GABPA: variants seen among roughly 807,000 people sequenced by gnomAD.
GABPA encodes the protein GA-binding protein alpha chain.
In GABPA, 4 loss-of-function variants were observed where a neutral mutation model predicts 59.4. That is an observed-to-expected ratio of 0.07 (90% confidence interval 0.03 to 0.15). The LOEUF (loss-of-function observed/expected upper bound fraction) is 0.15, where lower values mean the gene tolerates loss of function less well. Ranked by LOEUF, GABPA falls within the 10% of genes least tolerant of loss-of-function variation. GABPA has a pLI of 1.00. For synonymous variants in GABPA, 164 were observed against 183.1 expected (o/e 0.90, Z 0.84); for missense variants, 251 against 543.8 (o/e 0.46, Z 5.36).
rs71649676 is a variant in GABPA at position 25,745,829 on chromosome 21, A to G, written c.222+475A>G. On this transcript the variant is annotated intron_variant, in intron 3 of 9. Transcript: ENST00000400075. Reference sequence around the variant, plus strand: ...AGGTCCTGGAATTTATTGTAAAAGGATTTTACCCATGGTAGTAGTATAATA... The same window carrying G: ...AGGTCCTGGAATTTATTGTAAAAGGGTTTTACCCATGGTAGTAGTATAATA... Among the ~76,000 whole-genome samples, 379 of 152,206 alleles carry G rather than the reference A, an allele frequency of 2.5e-3. 7 individuals carry two copies. The East Asian group carries it at 0.057, about 23-fold the overall frequency.
At chr21:25,752,483 G>C (rs568555033) in intron 5 of GABPA, 2 of 438,684 alleles carry the variant, frequency 4.6e-6, no homozygotes. Context: ...TAGTTGAAGA[G>C]AGAGAAGATA....
At chr21:25,736,365 T>C (rs1376260367) in intron 1 of GABPA, among the ~76,000 whole-genome samples, 3 of 152,196 alleles carry the variant, frequency 2.0e-5, no homozygotes, top group Non-Finnish European at 2.9e-5. Flanking sequence ...CTTGAGCGAA[T>C]TGTAGAACGA....
chr21:25,772,247 TG>T lies in GABPA; in HGVS notation c.*3016del, dbSNP rs1342101199. Reference sequence around the variant, plus strand: ...AGGAAAAACAAAATTCTCAATCTTTTGTAAATGGGAGGAGGACTTTTGCATA... The same window carrying T: ...AGGAAAAACAAAATTCTCAATCTTTTTAAATGGGAGGAGGACTTTTGCATA... On this transcript the variant is annotated 3_prime_UTR_variant, in exon 10 of 10. Coordinates refer to ENST00000400075, the MANE Select transcript of GABPA (RefSeq NM_002040.4). 2 of 152,112 alleles carry T rather than the reference TG, an allele frequency of 1.3e-5. No homozygotes were observed. Among genetic ancestry groups the T allele is most frequent in the African/African-American group, 4.8e-5 (2 of 41,436 alleles). The allele number at this position is 152,112 out of a possible 1,614,324, so 9.4% of individuals were successfully genotyped here. A position where few individuals can be genotyped will look rare whatever the true frequency, so the allele number is the denominator to read the frequency against.
At position 25,735,190 on chromosome 21, in the gene GABPA, T is replaced by G; in HGVS notation, c.-415T>G. The G allele has an allele frequency of 1.7e-6, 1 of 599,634 alleles. No homozygotes were observed. The highest frequency in any genetic ancestry group is 3.0e-6 in the Non-Finnish European group (1 of 333,822). 37.1% of individuals were successfully genotyped at this position (599,634 alleles called of 1,614,324 possible). On this transcript the variant is annotated 5_prime_UTR_variant, in exon 1 of 10. Transcript: ENST00000400075. ...ACGCATGCGCTCTTTGAGTGGCCTT[T>G]CCCCTAGTTCAAGCTCCCCTCCGAG...
In GABPA at chr21:25,770,246, T is replaced by C. The variant is rs2035982753; in HGVS notation, c.*1014T>C. On this transcript the variant is annotated 3_prime_UTR_variant, in exon 10 of 10. Coordinates refer to ENST00000400075, the MANE Select transcript of GABPA (RefSeq NM_002040.4). ...TAAAAGGAAAATACGACCTTTGTTATAGGCAGTCTTCTCTTTAAGACAATA... is the reference window on the plus strand; with the variant it reads ...TAAAAGGAAAATACGACCTTTGTTACAGGCAGTCTTCTCTTTAAGACAATA... The C allele has an allele frequency of 1.3e-5, 2 of 152,212 alleles. No homozygotes were observed. The highest frequency in any genetic ancestry group is 1.3e-4 in the Admixed American group (2 of 15,272). 9.4% of individuals were successfully genotyped at this position (152,212 alleles called of 1,614,324 possible). A position where few individuals can be genotyped will look rare whatever the true frequency, so the allele number is the denominator to read the frequency against.
chr21:25,764,387 T>C lies in GABPA; in HGVS notation c.943+37T>C, dbSNP rs201860444. 3.8e-5 allele frequency: 58 copies of C among 1,537,520 alleles called. No individual in the cohort carries two copies. In the Middle Eastern group the frequency reaches 6.6e-4, roughly 17 times the overall value. On this transcript the variant is annotated intron_variant, in intron 8 of 9. Coordinates refer to ENST00000400075, the MANE Select transcript of GABPA (RefSeq NM_002040.4). ...TTTTCTTGTATTTATAAAATATATC[T>C]ATCTAATTAGGTATATTTTGTTGTA...
chr21:25,770,720 T>C lies in GABPA; in HGVS notation c.*1488T>C, dbSNP rs1335064693. The stretch of plus-strand genomic sequence containing the variant: ...GCATGATAATACAGGCAAGATGGCA[T>C]TGTTAGCAATTCTGGTAGTGGTTTG... On this transcript the variant is annotated 3_prime_UTR_variant, in exon 10 of 10. Coordinates refer to ENST00000400075, the MANE Select transcript of GABPA (RefSeq NM_002040.4). The C allele has an allele frequency of 6.6e-6, 1 of 152,082 alleles. No homozygotes were observed. The highest frequency in any genetic ancestry group is 1.5e-5 in the Non-Finnish European group (1 of 67,930). 9.4% of individuals were successfully genotyped at this position (152,082 alleles called of 1,614,324 possible).
At chr21:25,765,488 T>A (rs1349493204) in intron 9 of GABPA, among the ~76,000 whole-genome samples, 1 of 151,858 alleles carries the variant, frequency 6.6e-6, no homozygotes, top group East Asian at 1.9e-4. Context: ...CACTCTCCCT[T>A]CCCCTTTCCA....
chr21:25,754,044 A>C (rs2035576521), intron 5 of GABPA, among the ~76,000 whole-genome samples: 1 of 152,186 alleles, frequency 6.6e-6, no homozygotes, highest in Non-Finnish European at 1.5e-5. Context: ...TCCGCTGCCC[A>C]GTACTGTAGC....
At chr21:25,743,615 C>G (rs1370323660) in intron 2 of GABPA, among the ~76,000 whole-genome samples, 4 of 147,262 alleles carry the variant, frequency 2.7e-5, no homozygotes, top group East Asian at 4.0e-4. Context: ...GAAATTGGTA[C>G]TTTAGATATT....
intron 5 of GABPA, 73 bp downstream of exon 5, chr21:25,752,307 G>A: frequency 7.1e-7 from 1 of 1,412,334 alleles, no homozygotes; most frequent in Non-Finnish European, 9.8e-7. Flanking sequence ...ACTAGGGTAA[G>A]TTATAATCTA....
Position 25,745,264 on chromosome 21 carries a change from C to T in GABPA, c.132C>T (p.Ile44=). 6.2e-7 allele frequency: 1 copy of T among 1,613,800 alleles called. No homozygotes were observed. Among genetic ancestry groups the T allele is most frequent in the Middle Eastern group, 1.7e-4 (1 of 6,030 alleles). The change falls in exon 3 of 10, where the codon ATC becomes ATT. Residue 44 remains isoleucine (I), a synonymous_variant. Coordinates refer to ENST00000400075, the MANE Select transcript of GABPA (RefSeq NM_002040.4). ...PAECVSQAID[I]NEPIGNLKKL... is the part of the protein sequence containing the mutation. ...AATGTGTAAGCCAGGCCATAGACAT[C>T]AATGAACCAATAGGCAATTTAAAGA... is the stretch of plus-strand genomic sequence containing the variant.
intron 3 of GABPA, among the ~76,000 whole-genome samples, chr21:25,748,631 A>G (rs2035428605): frequency 6.6e-6 from 1 of 152,232 alleles, no homozygotes; most frequent in South Asian, 2.1e-4. Context: ...TACAAGGCAG[A>G]TATGACAAGA....
rs748258092 is a variant in GABPA at position 25,734,996 on chromosome 21, G to A, written c.-609G>A. On this transcript the variant is annotated 5_prime_UTR_variant, in exon 1 of 10. Coordinates refer to ENST00000400075, the MANE Select transcript of GABPA (RefSeq NM_002040.4). ...CAGTCGGTCGACGCTCACCGGACAG[G>A]AAGCGTCTCGGAGACAGTCTGCGAC... 1.3e-6 allele frequency: 2 copies of A among 1,546,902 alleles called. No homozygotes were observed. Among genetic ancestry groups the A allele is most frequent in the Non-Finnish European group, 1.7e-6 (2 of 1,145,512 alleles).
At position 25,772,232 on chromosome 21, in the gene GABPA, A is replaced by G. The variant is rs928008370; in HGVS notation, c.*3000A>G. On this transcript the variant is annotated 3_prime_UTR_variant, in exon 10 of 10. Transcript: ENST00000400075. ...ATTTCACTTGCTGCCAGGAAAAACA[A>G]AATTCTCAATCTTTTGTAAATGGGA... 2.4e-4 allele frequency: 37 copies of G among 152,230 alleles called. No homozygotes were observed. Among genetic ancestry groups the G allele is most frequent in the African/African-American group, 7.2e-4 (30 of 41,584 alleles). The allele number at this position is 152,230 out of a possible 1,614,324, so 9.4% of individuals were successfully genotyped here. A position where few individuals can be genotyped will look rare whatever the true frequency, so the allele number is the denominator to read the frequency against.
chr21:25,735,083 G>A lies in GABPA; in HGVS notation c.-522G>A, dbSNP rs1260773137. 16 of 943,380 alleles carry A rather than the reference G, an allele frequency of 1.7e-5. No homozygotes were observed. The highest frequency in any genetic ancestry group is 2.5e-5 in the Non-Finnish European group (15 of 606,280). 58.4% of individuals were successfully genotyped at this position (943,380 alleles called of 1,614,324 possible). A position where few individuals can be genotyped will look rare whatever the true frequency, so the allele number is the denominator to read the frequency against. ...GAGGAAGTGGAGGGTAAGTGCTTCC[G>A]GGTCCCCTGGCACAGCCTCCGCCAT... On this transcript the variant is annotated 5_prime_UTR_variant, in exon 1 of 10. Coordinates refer to ENST00000400075, the MANE Select transcript of GABPA (RefSeq NM_002040.4).
Position 25,735,544 on chromosome 21 carries a change from T to C in GABPA, c.-61T>C, listed in dbSNP as rs2035013909. The C allele has an allele frequency of 6.6e-6, 1 of 152,562 alleles. No homozygotes were observed. Among genetic ancestry groups the C allele is most frequent in the African/African-American group, 2.4e-5 (1 of 41,232 alleles). The allele number at this position is 152,562 out of a possible 1,614,324, so 9.5% of individuals were successfully genotyped here. ...CTGCCGTTCTCAGCCGGCTCTGGAG[T>C]GCGGGCGGGGGCGACAGGGCCGATT... On this transcript the variant is annotated 5_prime_UTR_variant, in exon 1 of 10. Transcript: ENST00000400075.
chr21:25,756,823 A>T (rs1034730634), intron 5 of GABPA, among the ~76,000 whole-genome samples: 2 of 152,076 alleles, frequency 1.3e-5, no homozygotes, highest in Admixed American at 1.3e-4. Flanking sequence ...TTTTATGTTT[A>T]TGTGTACAAT....
intron 2 of GABPA, among the ~76,000 whole-genome samples, chr21:25,741,952 G>A (rs2035232373): frequency 6.6e-6 from 1 of 152,148 alleles, no homozygotes; most frequent in Non-Finnish European, 1.5e-5. Flanking sequence ...CTTTTCCTCA[G>A]CACTGGTTGC....
Sources: allele counts gnomAD v4.1 joint callset (sites outside exome capture counted in the v4.1 genomes callset), GRCh38; gene constraint gnomAD v4.1.1; transcripts MANE v1.5; gene names NCBI Gene and HGNC (gene_info 2026-07-23, HGNC 2026-07-21).